Variants in AKAP6 observed in about 807,000 individuals in gnomAD.
AKAP6 encodes A-kinase anchor protein 6.
In AKAP6, 58 loss-of-function variants were observed where a neutral mutation model predicts 188.5. The ratio of observed to expected loss-of-function variants is 0.31; its 90% CI spans 0.25 to 0.38. AKAP6 has a LOEUF of 0.38. Ranked by LOEUF, AKAP6 falls within the 10% of genes least tolerant of loss-of-function variation. The pLI, the probability that AKAP6 is intolerant of heterozygous loss-of-function variation, is 1.00. For missense variants in AKAP6, 2,710 were observed against 2,740.0 expected (o/e 0.99, Z 0.24); for synonymous variants, 989 against 998.6 (o/e 0.99, Z 0.18).
chr14:32,406,334 C>T (rs113917637), intron 1 of AKAP6, among the ~76,000 whole-genome samples: 3 of 152,104 alleles, frequency 2.0e-5, no homozygotes, highest in Non-Finnish European at 2.9e-5. Flanking sequence ...CTCAGCCTCC[C>T]GAGTAGCTGG....
At chr14:32,362,117 A>G (rs769318530) in intron 1 of AKAP6, among the ~76,000 whole-genome samples, 23 of 152,118 alleles carry the variant, frequency 1.5e-4, no homozygotes, top group Non-Finnish European at 2.8e-4. Flanking sequence ...TCCTTGAAGG[A>G]TTGTCTAGTC....
intron 13 of AKAP6, among the ~76,000 whole-genome samples, chr14:32,829,124 T>G (rs10145461): frequency 0.43 from 64,646 of 152,082 alleles, 15,475 homozygotes; most frequent in Non-Finnish European, 0.54. Flanking sequence ...TCCTCACATT[T>G]GACCAGTTGC....
At chr14:32,763,242 G>C (rs1312326032) in intron 11 of AKAP6, among the ~76,000 whole-genome samples, 1 of 152,038 alleles carries the variant, frequency 6.6e-6, no homozygotes, top group African/African-American at 2.4e-5. Context: ...CTCTGTTTCT[G>C]ACTTGCAATT....
chr14:32,761,761 G>T (rs1275093382), intron 11 of AKAP6, among the ~76,000 whole-genome samples: 4 of 151,942 alleles, frequency 2.6e-5, no homozygotes, highest in Non-Finnish European at 4.4e-5. Flanking sequence ...GGGGTGTATG[G>T]CACCGTACCC....
At chr14:32,607,484 ACAG>A (rs1886172606) in intron 7 of AKAP6, among the ~76,000 whole-genome samples, 1 of 152,214 alleles carries the variant, frequency 6.6e-6, no homozygotes, top group Admixed American at 6.5e-5. Context: ...GGAAAGAAAA[ACAG>A]CAGGCCAAGG....
At chr14:32,784,854 T>C (rs1336818599) in intron 12 of AKAP6, among the ~76,000 whole-genome samples, 1 of 152,178 alleles carries the variant, frequency 6.6e-6, no homozygotes, top group Non-Finnish European at 1.5e-5. Flanking sequence ...CAACAATTTC[T>C]TGCCTTTCTT....
At chr14:32,722,740 A>G (rs959019150) in intron 9 of AKAP6, among the ~76,000 whole-genome samples, 2 of 152,080 alleles carry the variant, frequency 1.3e-5, no homozygotes, top group African/African-American at 4.8e-5. Flanking sequence ...CCAGCTCCCC[A>G]TCCCAGTGAG....
intron 1 of AKAP6, among the ~76,000 whole-genome samples, chr14:32,431,669 C>T (rs771689273): frequency 7.2e-5 from 11 of 152,208 alleles, no homozygotes; most frequent in Non-Finnish European, 1.6e-4. Context: ...CCTGCCACTA[C>T]ACCCGGCTAA....
rs758768769 is a variant in AKAP6, at chr14:32,723,551, ATGTGTTTATG to A, written c.3001-8897_3001-8888del. Among the ~76,000 whole-genome samples the A allele has an allele frequency of 3.2e-3, 454 of 143,630 alleles. 2 individuals are homozygous for A. Among genetic ancestry groups the A allele is most frequent in the Middle Eastern group, 7.2e-3 (2 of 278 alleles). The allele number at this position is 143,630 out of a possible 152,430, so 94.2% of individuals were successfully genotyped here. A position where few individuals can be genotyped will look rare whatever the true frequency, so the allele number is the denominator to read the frequency against. On this transcript the variant is annotated intron_variant, in intron 9 of 13. Transcript: ENST00000280979. ...TCACATAATATATATATGTGTGCGT[ATGTGTTTATG>A]TGTGTGTGTGTGTGTGTGTGTGTGT...
At chr14:32,537,873 C>T (rs901925749) in intron 3 of AKAP6, among the ~76,000 whole-genome samples, 10 of 152,134 alleles carry the variant, frequency 6.6e-5, no homozygotes, top group Non-Finnish European at 1.5e-4. Flanking sequence ...GTAATTGTTG[C>T]TGGCCACTGT....
chr14:32,797,432 A>G (rs559465498), intron 12 of AKAP6, among the ~76,000 whole-genome samples: 8 of 152,374 alleles, frequency 5.3e-5, no homozygotes, highest in South Asian at 2.1e-4. Context: ...CTATGCAGCC[A>G]TAAAAAGGAA....
intron 1 of AKAP6, among the ~76,000 whole-genome samples, chr14:32,341,013 G>A (rs762493596): frequency 6.6e-6 from 1 of 152,160 alleles, no homozygotes; most frequent in Non-Finnish European, 1.5e-5. Flanking sequence ...TCAGACAATA[G>A]TATTTATATA....
At position 32,822,787 on chromosome 14, in the gene AKAP6, T is replaced by G. The variant is rs112356631; in HGVS notation, c.4974T>G (p.Thr1658=). The stretch of plus-strand genomic sequence containing the variant: ...TAAAACGAAGTGTTTCTGATATCAC[T>G]CTTCAAAGCAGTTCCCAAAAGATGT... The part of the protein sequence containing the change: ...QKIKRSVSDI[T]LQSSSQKMSF... The change falls in exon 13 of 14, where the codon ACT becomes ACG. Residue 1658 remains threonine, a synonymous_variant. Coordinates refer to ENST00000280979, the MANE Select transcript of AKAP6 (RefSeq NM_004274.5). 107 of 1,613,918 alleles carry G rather than the reference T, an allele frequency of 6.6e-5. No homozygotes were observed. The African/African-American group carries it at 1.2e-3, about 19-fold the overall frequency.
intron 1 of AKAP6, among the ~76,000 whole-genome samples, chr14:32,385,766 T>C (rs1170098142): frequency 6.6e-6 from 1 of 151,420 alleles, no homozygotes; most frequent in African/African-American, 2.4e-5. Flanking sequence ...TGAGTAGTAT[T>C]CATCATATAT....
chr14:32,644,749 T>C (rs1010099003), intron 7 of AKAP6, among the ~76,000 whole-genome samples: 1 of 152,104 alleles, frequency 6.6e-6, no homozygotes, highest in African/African-American at 2.4e-5. Context: ...CAAACTGAAA[T>C]GTCTGCATTT....
intron 1 of AKAP6, among the ~76,000 whole-genome samples, chr14:32,367,263 TAACGCAGGGCTC>T (rs1445527220): frequency 6.6e-6 from 1 of 152,172 alleles, no homozygotes; most frequent in Non-Finnish European, 1.5e-5. Flanking sequence ...CCTGGAGTCT[TAACGCAGGGCTC>T]AATAATTCAC....
chr14:32,692,063 G>A (rs949857286), intron 8 of AKAP6, among the ~76,000 whole-genome samples: 2 of 152,228 alleles, frequency 1.3e-5, no homozygotes, highest in Admixed American at 6.5e-5. Flanking sequence ...GAAACAAAAT[G>A]TGGTACCAAG....
chr14:32,525,636 T>A (rs899443039), intron 2 of AKAP6, among the ~76,000 whole-genome samples: 3 of 152,198 alleles, frequency 2.0e-5, no homozygotes, highest in Admixed American at 1.3e-4. Flanking sequence ...CATTACTTGC[T>A]GAGTAAGTGC....
In AKAP6 at chr14:32,678,548, C is replaced by G. The variant is rs1889535611; in HGVS notation, c.2879+89C>G. The G allele has an allele frequency of 1.9e-5, 28 of 1,463,836 alleles. 2 individuals carry two copies. In the South Asian group the frequency reaches 3.2e-4, roughly 17 times the overall value. The allele number at this position is 1,463,836 out of a possible 1,614,324, so 90.7% of individuals were successfully genotyped here. ...GGTAGGTGTTAGGAAGGTATTTCCT[C>G]TTTAGCAAACCGACAAGGAGAAGCT... On this transcript the variant is annotated intron_variant, in intron 8 of 13. Coordinates refer to ENST00000280979, the MANE Select transcript of AKAP6 (RefSeq NM_004274.5).
Sources: gnomAD v4.1 joint callset for allele counts (sites outside exome capture counted in the v4.1 genomes callset) on GRCh38, gnomAD v4.1.1 for gene constraint, MANE v1.5 for transcripts, NCBI Gene and HGNC (gene_info 2026-07-23, HGNC 2026-07-21) for gene names.